The following WDR11 variants were observed in gnomAD, a reference collection of about 807,000 sequenced individuals.
The protein encoded by WDR11 is WD repeat domain 11.
A neutral mutation model predicts 151.2 loss-of-function variants in WDR11; 83 were observed. That is an observed-to-expected ratio of 0.55 (90% CI 0.46 to 0.66). The LOEUF (loss-of-function observed/expected upper bound fraction) is 0.66, where lower values mean the gene tolerates loss of function less well. Among genes scored for constraint, WDR11 ranks in the 30% least tolerant of loss-of-function variants. The pLI is 0.00. For missense variants in WDR11, 1,301 were observed against 1,480.9 expected (o/e 0.88, Z 1.99); for synonymous variants, 484 against 533.1 (o/e 0.91, Z 1.27).
chr10:120,894,445 G>A (rs565577063), intron 19 of WDR11, among the ~76,000 whole-genome samples: 1 of 152,274 alleles, frequency 6.6e-6, no homozygotes, highest in Admixed American at 6.5e-5. Context: ...GTCTGGGGAT[G>A]CTAAACAACC....
At chr10:120,890,671 T>C in intron 18 of WDR11, 45 bp from the exon 19 acceptor site, 1 of 1,611,320 alleles carries the variant, frequency 6.2e-7, no homozygotes, top group South Asian at 1.1e-5. Context: ...ATAATAAAGA[T>C]CTTCCTTTTC....
At chr10:120,868,201 C>T (rs992702162) in intron 9 of WDR11, among the ~76,000 whole-genome samples, 2 of 152,120 alleles carry the variant, frequency 1.3e-5, no homozygotes, top group Non-Finnish European at 2.9e-5. Flanking sequence ...CGCCTGTAAT[C>T]CCAACACTTT....
At chr10:120,908,137 C>A (rs971578028) in intron 28 of WDR11, 1 of 212,058 alleles carries the variant, frequency 4.7e-6, no homozygotes, top group South Asian at 8.4e-5. Context: ...AACCCAACAA[C>A]CAGATATAGG....
chr10:120,857,712 A>G (rs772538885), intron 2 of WDR11, among the ~76,000 whole-genome samples: 1 of 152,204 alleles, frequency 6.6e-6, no homozygotes, highest in Non-Finnish European at 1.5e-5. Context: ...GAGTGTATTT[A>G]TATCTGTACA....
In WDR11 at chr10:120,866,987, T is replaced by G. The variant is rs1392821243; in HGVS notation, c.1191-79T>G. 5 of 1,239,632 alleles carry G rather than the reference T, an allele frequency of 4.0e-6. No homozygotes were observed. In the Admixed American group the frequency reaches 8.9e-5, roughly 22 times the overall value. 76.8% of individuals were successfully genotyped at this position (1,239,632 alleles called of 1,614,324 possible). A position where few individuals can be genotyped will look rare whatever the true frequency, so the allele number is the denominator to read the frequency against. ...TAAAAATAGATAGAATGCCATAATC[T>G]GGACTTAATACTTTGAATTCCTAAT... is the stretch of plus-strand genomic sequence containing the variant. On this transcript the variant is annotated intron_variant, in intron 8 of 28. Coordinates refer to ENST00000263461, the MANE Select transcript of WDR11 (RefSeq NM_018117.12).
At position 120,873,913 on chromosome 10, in the gene WDR11, T is replaced by C; in HGVS notation, c.1546T>C (p.Cys516Arg). 6.2e-7 allele frequency: 1 copy of C among 1,610,210 alleles called. No homozygotes were observed. Among genetic ancestry groups the C allele is most frequent in the Non-Finnish European group, 8.5e-7 (1 of 1,176,678 alleles). ...ACACAAAGAGTTAAGCATCCACTCA[T>C]GTGAAGTCAAGTAAGTATGTCATTG... Reference protein sequence around the residue: ...LLHKELSIHSCEVKGIEWTSL... With the variant: ...LLHKELSIHSREVKGIEWTSL... Residue 516 changes from cysteine (C) to arginine (R), a missense_variant, in exon 11 of 29, where the codon TGT (cysteine) becomes CGT (arginine). By Grantham distance (180) the Cys-to-Arg change is radical (BLOSUM62 -3). Around this residue, in one of 3 missense-constraint regions of WDR11, gnomAD observed 692 missense variants for 762.5 expected, o/e 0.91. Coordinates refer to ENST00000263461, the MANE Select transcript of WDR11 (RefSeq NM_018117.12).
rs760973100 is a variant in WDR11, at chr10:120,904,643, TAGAC to T, written c.3033_3036del (p.Asp1011GlufsTer21). The T allele has an allele frequency of 8.7e-6, 14 of 1,614,208 alleles. No individual in the cohort carries two copies. The highest frequency in any genetic ancestry group is 5.3e-5 in the African/African-American group (4 of 75,058). Reference sequence around the variant, plus strand: ...TAATTAGAAAAACCGTTTCTCTTACTAGACAGACAGAGCTGTGCAGTTGCTGTTG... The same window carrying T: ...TAATTAGAAAAACCGTTTCTCTTACTAGACAGAGCTGTGCAGTTGCTGTTG... On this transcript the variant is annotated splice_acceptor_variant and coding_sequence_variant, in exon 25 of 29. Transcript: ENST00000263461. LOFTEE classifies it high-confidence loss of function.
In WDR11 at chr10:120,880,908, G is replaced by A; in HGVS notation, c.1739+7G>A. On this transcript the variant is annotated splice_region_variant and intron_variant, in intron 13 of 28. Coordinates refer to ENST00000263461, the MANE Select transcript of WDR11 (RefSeq NM_018117.12). ...TTAAAGTATCTCATTTGAAGTAAGTGTCAACCTAAAAAAAAATCTATGGTG... is the reference window on the plus strand; with the variant it reads ...TTAAAGTATCTCATTTGAAGTAAGTATCAACCTAAAAAAAAATCTATGGTG... 1 of 1,585,716 alleles carries A rather than the reference G, an allele frequency of 6.3e-7. No individual in the cohort carries two copies. Among genetic ancestry groups the A allele is most frequent in the Non-Finnish European group, 8.6e-7 (1 of 1,162,038 alleles).
Position 120,908,587 on chromosome 10 carries a change from T to C in WDR11, c.3549T>C (p.Tyr1183=), listed in dbSNP as rs752836363. 12 of 1,614,258 alleles carry C rather than the reference T, an allele frequency of 7.4e-6. 1 individual carries two copies. The highest frequency in any genetic ancestry group is 1.0e-5 in the Non-Finnish European group (12 of 1,180,046). ...TCATCACTGCTATATATGCAGATTA[T>C]GCCCGGAGTTTGAAGAACCTCGGTT... ...EKLITAIYAD[Y]ARSLKNLGFK... The change falls in exon 29 of 29, where the codon TAT becomes TAC. Residue 1183 remains tyrosine (Y), a synonymous_variant. Transcript: ENST00000263461.
intron 15 of WDR11, among the ~76,000 whole-genome samples, chr10:120,886,384 CTGTACAG>C (rs1431575553): frequency 4.7e-4 from 71 of 152,256 alleles, no homozygotes; most frequent in African/African-American, 1.6e-3. Context: ...TGTTGGGTCA[CTGTACAG>C]CCTCCCTTCT....
intron 19 of WDR11, among the ~76,000 whole-genome samples, chr10:120,894,804 G>C (rs186146106): frequency 3.3e-5 from 5 of 152,292 alleles, no homozygotes; most frequent in African/African-American, 1.2e-4. Context: ...TTCTAATTGT[G>C]TAATTTTCAG....
chr10:120,869,525 A>AT (rs1554933335), intron 9 of WDR11, among the ~76,000 whole-genome samples: 6 of 148,934 alleles, frequency 4.0e-5, no homozygotes, highest in Non-Finnish European at 7.5e-5. Context: ...TTTAATTTAA[A>AT]CTTTTAATTA....
At chr10:120,859,966 CA>C (rs1296415245) in intron 3 of WDR11, 142 bp from the exon 4 acceptor site, 8 of 841,338 alleles carry the variant, frequency 9.5e-6, no homozygotes, top group African/African-American at 1.7e-5. Flanking sequence ...CACACACACA[CA>C]CACACACACA....
chr10:120,896,948 A>G (rs1230087080), intron 19 of WDR11, among the ~76,000 whole-genome samples: 1 of 152,188 alleles, frequency 6.6e-6, no homozygotes, highest in Non-Finnish European at 1.5e-5. Context: ...TTCCATTTCC[A>G]GGCTAAAAGG....
At chr10:120,851,629 C>T (rs1004462207) in intron 1 of WDR11, 123 bp downstream of exon 1, 14 of 1,170,266 alleles carry the variant, frequency 1.2e-5, no homozygotes, top group Non-Finnish European at 1.6e-5. Flanking sequence ...GCCGCCCTCA[C>T]GCAATGAGCT....
rs747370432 is a variant in WDR11 at position 120,886,739 on chromosome 10, C to T, written c.2024C>T (p.Ala675Val). 2 of 1,613,954 alleles carry T rather than the reference C, an allele frequency of 1.2e-6. No homozygotes were observed. The highest frequency in any genetic ancestry group is 3.3e-5 in the Admixed American group (2 of 60,004). Residue 675 changes from alanine to valine, a missense_variant, in exon 16 of 29, where the codon GCC becomes GTC. By Grantham distance (64) the Ala-to-Val change is moderately conservative. This residue lies in a region of WDR11 where 589 missense variants were observed against 670.6 expected (regional missense o/e 0.88). Coordinates refer to ENST00000263461, the MANE Select transcript of WDR11 (RefSeq NM_018117.12). ...SKSELSQNIS[A>V]REHFVFTDID... The stretch of plus-strand genomic sequence containing the variant: ...TCTGAACTTAGTCAGAACATCTCTG[C>T]CCGGGAACATTTTGTATTTACCGAT...
Position 120,889,076 on chromosome 10 carries a change from A to G in WDR11, c.2122-2A>G. The G allele has an allele frequency of 6.2e-7, 1 of 1,602,026 alleles. No homozygotes were observed. Among genetic ancestry groups the G allele is most frequent in the Non-Finnish European group, 8.6e-7 (1 of 1,169,116 alleles). On this transcript the variant is annotated splice_acceptor_variant, in intron 16 of 28. Coordinates refer to ENST00000263461, the MANE Select transcript of WDR11 (RefSeq NM_018117.12). LOFTEE classifies it high-confidence loss of function. ...TATTTGTTTGTTGCTGTTGTTTTCT[A>G]GGGAAGTATGGGTAGTATTACCTGC... is the stretch of plus-strand genomic sequence containing the variant.
At chr10:120,900,220 C>T in intron 20 of WDR11, 83 bp downstream of exon 20, 1 of 1,185,720 alleles carries the variant, frequency 8.4e-7, no homozygotes, top group East Asian at 2.3e-5. Flanking sequence ...GCCTGTACTC[C>T]AGCATTTAAA....
chr10:120,890,980 A>G (rs1847412286), intron 19 of WDR11, 93 bp downstream of exon 19: 17 of 1,319,060 alleles, frequency 1.3e-5, no homozygotes, highest in Non-Finnish European at 1.7e-5. Context: ...CTTCTGTTTC[A>G]TTTCAGTCTT....
Sources: allele counts gnomAD v4.1 joint callset (sites outside exome capture counted in the v4.1 genomes callset), GRCh38; gene constraint gnomAD v4.1.1; regional missense constraint gnomAD v4.1.1; transcripts MANE v1.5; gene names NCBI Gene and HGNC (gene_info 2026-07-23, HGNC 2026-07-21).